HDAC9: variants seen among roughly 807,000 people sequenced by gnomAD.
The protein encoded by HDAC9 is MEF-2 interacting transcription repressor (MITR) protein.
In HDAC9, 41 loss-of-function variants were observed where a neutral mutation model predicts 139.4. The ratio of observed to expected loss-of-function variants is 0.29; its 90% CI spans 0.23 to 0.38. HDAC9 has a LOEUF of 0.38. Among genes scored for constraint, HDAC9 ranks in the 10% least tolerant of loss-of-function variants. The probability of loss-of-function intolerance (pLI) is 1.00; values close to 1 mark genes in which losing one functional copy is unlikely to be tolerated. For synonymous variants in HDAC9, 517 were observed against 476.2 expected (o/e 1.09, Z -1.12); for missense variants, 1,147 against 1,297.0 (o/e 0.88, Z 1.78).
chr7:18,550,536 A>G (rs1178210252), intron 2 of HDAC9, among the ~76,000 whole-genome samples: 1 of 152,242 alleles, frequency 6.6e-6, no homozygotes, highest in African/African-American at 2.4e-5. Flanking sequence ...AGTAAATTTT[A>G]GAAGTTAGTG....
intron 1 of HDAC9, among the ~76,000 whole-genome samples, chr7:18,438,687 ATGTGTC>A: frequency 6.7e-6 from 1 of 150,226 alleles, no homozygotes; most frequent in South Asian, 2.1e-4. Context: ...ACATTATATA[ATGTGTC>A]TGTGTGTGTG....
At chr7:18,948,248 A>G (rs953396601) in intron 23 of HDAC9, among the ~76,000 whole-genome samples, 2 of 152,062 alleles carry the variant, frequency 1.3e-5, no homozygotes, top group Admixed American at 1.3e-4. Flanking sequence ...AAAAGATATC[A>G]GTATTGGAGA....
chr7:18,953,128 G>C lies in HDAC9; in HGVS notation c.2938-1018G>C, dbSNP rs375292218. Among the ~76,000 whole-genome samples, 14 of 152,160 alleles carry C rather than the reference G, an allele frequency of 9.2e-5. No individual in the cohort carries two copies. In the South Asian group the frequency reaches 2.9e-3, roughly 32 times the overall value. ...GTTTTCCTACAGATGAAGAGACATA[G>C]ATGAGTTCATGCTTTGATGCGTCTA... On this transcript the variant is annotated intron_variant, in intron 23 of 25. Coordinates refer to ENST00000686413, the MANE Select transcript of HDAC9 (RefSeq NM_178425.4).
At chr7:18,896,093 C>A (rs1465525315) in intron 22 of HDAC9, among the ~76,000 whole-genome samples, 1 of 151,938 alleles carries the variant, frequency 6.6e-6, no homozygotes, top group East Asian at 1.9e-4. Flanking sequence ...CATTAAATTC[C>A]AAGTGTTATT....
At chr7:18,307,057 G>C (rs975436844) in intron 1 of HDAC9, among the ~76,000 whole-genome samples, 1 of 151,106 alleles carries the variant, frequency 6.6e-6, no homozygotes, top group East Asian at 1.9e-4. Flanking sequence ...AATTTATTGT[G>C]TGTTTATATC....
chr7:18,989,907 G>C (rs903524993), intron 25 of HDAC9, among the ~76,000 whole-genome samples: 2 of 151,108 alleles, frequency 1.3e-5, no homozygotes, highest in African/African-American at 4.9e-5. Context: ...AGCTCCATCA[G>C]CTCCTTTAAG....
intron 1 of HDAC9, among the ~76,000 whole-genome samples, chr7:18,106,034 A>G (rs755802942): frequency 6.6e-6 from 1 of 152,208 alleles, no homozygotes; most frequent in African/African-American, 2.4e-5. Context: ...TAAAGGTAGA[A>G]TAGTGGTTGC....
At chr7:18,548,262 CA>C (rs1242472342) in intron 2 of HDAC9, among the ~76,000 whole-genome samples, 1 of 151,734 alleles carries the variant, frequency 6.6e-6, no homozygotes, top group Admixed American at 6.6e-5. Context: ...CGTGGTGCTC[CA>C]AAACAATTAC....
At chr7:18,285,388 C>A (rs1797370114) in intron 2 of HDAC9, among the ~76,000 whole-genome samples, 1 of 152,002 alleles carries the variant, frequency 6.6e-6, no homozygotes, top group Non-Finnish European at 1.5e-5. Context: ...ACACCATTTG[C>A]AGTTATTCAG....
intron 2 of HDAC9, among the ~76,000 whole-genome samples, chr7:18,553,092 C>T (rs530425703): frequency 9.2e-5 from 14 of 152,138 alleles, no homozygotes; most frequent in African/African-American, 2.4e-4. Flanking sequence ...GAGTACTGTG[C>T]GTGTGCACCT....
intron 11 of HDAC9, among the ~76,000 whole-genome samples, chr7:18,665,138 G>T (rs1261175314): frequency 1.3e-5 from 2 of 152,100 alleles, no homozygotes; most frequent in African/African-American, 4.8e-5. Context: ...ATGTGTGAGT[G>T]GGAGGTAAGC....
At chr7:18,443,124 A>G (rs1791943795) in intron 1 of HDAC9, among the ~76,000 whole-genome samples, 1 of 152,226 alleles carries the variant, frequency 6.6e-6, no homozygotes, top group Admixed American at 6.5e-5. Context: ...AAACTCAGTA[A>G]TCATAAACTA....
chr7:18,897,316 C>G (rs1442188632), intron 22 of HDAC9, among the ~76,000 whole-genome samples: 1 of 151,852 alleles, frequency 6.6e-6, no homozygotes, highest in Non-Finnish European at 1.5e-5. Context: ...TTCAAATGAT[C>G]GCTTATTGAA....
chr7:18,088,814 A>G (rs1037870314), intron 1 of HDAC9, among the ~76,000 whole-genome samples: 4 of 152,324 alleles, frequency 2.6e-5, no homozygotes, highest in East Asian at 1.9e-4. Context: ...CCTTCTGGAA[A>G]CCATTTATGT....
intron 14 of HDAC9, 38 bp downstream of exon 14, chr7:18,749,176 A>G: frequency 6.2e-7 from 1 of 1,603,248 alleles, no homozygotes; most frequent in South Asian, 1.1e-5. Flanking sequence ...ACTTACTTAA[A>G]TAAATCATGT....
intron 1 of HDAC9, among the ~76,000 whole-genome samples, chr7:18,115,919 C>CT (rs1403871265): frequency 1.3e-5 from 2 of 152,214 alleles, no homozygotes; most frequent in African/African-American, 4.8e-5. Flanking sequence ...ACTCAGGTAT[C>CT]TGACACCATG....
chr7:18,104,176 T>G (rs1273018224), intron 1 of HDAC9, among the ~76,000 whole-genome samples: 1 of 152,166 alleles, frequency 6.6e-6, no homozygotes. Flanking sequence ...TTTTCTTTTA[T>G]CAACTTTATA....
At chr7:18,679,503 T>G (rs376547367) in intron 12 of HDAC9, among the ~76,000 whole-genome samples, 1 of 151,664 alleles carries the variant, frequency 6.6e-6, no homozygotes, top group African/African-American at 2.4e-5. Context: ...TTTTCTTTTC[T>G]TTCTTTTCTT....
At chr7:18,344,565 C>T (rs934841890) in intron 1 of HDAC9, among the ~76,000 whole-genome samples, 1 of 151,866 alleles carries the variant, frequency 6.6e-6, no homozygotes, top group Non-Finnish European at 1.5e-5. Context: ...ATTAATCTAC[C>T]ATTCTATTGG....
Sources: allele counts gnomAD v4.1 joint callset (sites outside exome capture counted in the v4.1 genomes callset), GRCh38; gene constraint gnomAD v4.1.1; transcripts MANE v1.5; gene names NCBI Gene and HGNC (gene_info 2026-07-23, HGNC 2026-07-21).